The following GPC6 variants were observed in gnomAD, a reference collection of about 807,000 sequenced individuals.
GPC6 encodes the protein glypican-6.
GPC6 carries 14 observed loss-of-function variants against 55.2 expected under a neutral mutation model. The ratio of observed to expected loss-of-function variants is 0.25; its 90% CI spans 0.17 to 0.40. The LOEUF (loss-of-function observed/expected upper bound fraction) is 0.40. Among genes scored for constraint, GPC6 ranks in the 10% least tolerant of loss-of-function variants. GPC6 has a pLI of 1.00. For synonymous variants in GPC6, 278 were observed against 259.6 expected, an observed-to-expected ratio of 1.07 and a Z score of -0.68; for missense variants, 641 against 708.5, an observed-to-expected ratio of 0.90 and a Z score of 1.08.
At position 93,520,543 on chromosome 13, in the gene GPC6, A is replaced by T. The variant is rs7320669; in HGVS notation, c.161-24720A>T. Among the ~76,000 whole-genome samples the T allele has an allele frequency of 0.018, 30 of 1,660 alleles. No individual in the cohort carries two copies. In the Non-Finnish European group the frequency reaches 0.5, roughly 28 times the overall value. The allele number at this position is 1,660 out of a possible 152,430, so 1.1% of individuals were successfully genotyped here. ...AAGCCAAGTTGCTGAAATAGACTTT[A>T]AAAAAAAAAAACACTTGAAGATTTT... On this transcript the variant is annotated intron_variant, in intron 1 of 8. Transcript: ENST00000377047.
At chr13:93,561,555 C>T (rs1875808031) in intron 2 of GPC6, among the ~76,000 whole-genome samples, 2 of 151,604 alleles carry the variant, frequency 1.3e-5, no homozygotes, top group Admixed American at 6.6e-5. Context: ...GAAACAGTGC[C>T]AAATATACAA....
At chr13:94,238,026 A>G (rs1338367827) in intron 4 of GPC6, among the ~76,000 whole-genome samples, 1 of 152,152 alleles carries the variant, frequency 6.6e-6, no homozygotes, top group Admixed American at 6.6e-5. Flanking sequence ...AATTAGTAGA[A>G]CTGGAAGATG....
intron 6 of GPC6, among the ~76,000 whole-genome samples, chr13:94,326,205 G>GCGCACA (rs149742538): frequency 4.7e-5 from 7 of 147,778 alleles, no homozygotes; most frequent in African/African-American, 1.5e-4. Context: ...GTATGCTTGT[G>GCGCACA]CACACACACA....
intron 6 of GPC6, among the ~76,000 whole-genome samples, chr13:94,322,302 G>A (rs151167000): frequency 3.9e-3 from 587 of 152,302 alleles, no homozygotes; most frequent in Non-Finnish European, 6.2e-3. Flanking sequence ...GTGGAACTGT[G>A]AGTCCATTAA....
chr13:94,339,784 A>G (rs370057625), intron 6 of GPC6, among the ~76,000 whole-genome samples: 4 of 70,100 alleles, frequency 5.7e-5, no homozygotes, highest in Non-Finnish European at 7.4e-5. Flanking sequence ...TTTTTTTGAG[A>G]CAGAGTTTTG....
At chr13:94,229,791 A>G (rs1245121664) in intron 4 of GPC6, among the ~76,000 whole-genome samples, 1 of 152,250 alleles carries the variant, frequency 6.6e-6, no homozygotes, top group African/African-American at 2.4e-5. Flanking sequence ...AATAAAAAAG[A>G]TGACAGTAAC....
chr13:93,456,894 T>C (rs369703893), intron 1 of GPC6, among the ~76,000 whole-genome samples: 10 of 152,138 alleles, frequency 6.6e-5, no homozygotes, highest in African/African-American at 2.4e-4. Flanking sequence ...CCTTGAATTG[T>C]AATAATCCCC....
chr13:94,009,306 C>T (rs532201146), intron 3 of GPC6, among the ~76,000 whole-genome samples: 1 of 152,302 alleles, frequency 6.6e-6, no homozygotes, highest in Non-Finnish European at 1.5e-5. Context: ...TCACTCAATT[C>T]ATTGAACATC....
chr13:93,489,979 C>T (rs983901608), intron 1 of GPC6, among the ~76,000 whole-genome samples: 4 of 151,108 alleles, frequency 2.6e-5, no homozygotes, highest in African/African-American at 4.8e-5. Flanking sequence ...TGCCTGATGG[C>T]CCTGGCCAGA....
At chr13:94,189,807 G>A (rs1889323731) in intron 4 of GPC6, among the ~76,000 whole-genome samples, 1 of 152,040 alleles carries the variant, frequency 6.6e-6, no homozygotes, top group South Asian at 2.1e-4. Flanking sequence ...AGATCACAAG[G>A]TCAGGAGATC....
chr13:93,961,904 C>T (rs1000429486), intron 3 of GPC6, among the ~76,000 whole-genome samples: 23 of 152,018 alleles, frequency 1.5e-4, no homozygotes, highest in Admixed American at 2.6e-4. Context: ...ATCTTTGAGC[C>T]GTCCTAGCCT....
chr13:93,936,816 A>C (rs1878458759), intron 3 of GPC6, among the ~76,000 whole-genome samples: 1 of 152,226 alleles, frequency 6.6e-6, no homozygotes, highest in African/African-American at 2.4e-5. Context: ...TCAGTGATTG[A>C]ATAACATGTA....
chr13:93,864,985 G>C (rs896278062), intron 3 of GPC6, among the ~76,000 whole-genome samples: 6 of 151,612 alleles, frequency 4.0e-5, no homozygotes, highest in African/African-American at 1.5e-4. Flanking sequence ...CTCAGAAATA[G>C]GTTCATTTGT....
In GPC6 at chr13:93,427,398, C is replaced by T. The variant is rs1280193770; in HGVS notation, c.161-117865C>T. Among the ~76,000 whole-genome samples the T allele has an allele frequency of 2.0e-5, 3 of 151,618 alleles. No homozygotes were observed. The South Asian group carries it at 6.3e-4, about 32-fold the overall frequency. On this transcript the variant is annotated intron_variant, in intron 1 of 8. Transcript: ENST00000377047. ...AAACAGCATGGTACTGGTACCAAAACAGAGATATAGATCAATGGAACAGAA... is the reference window on the plus strand; with the variant it reads ...AAACAGCATGGTACTGGTACCAAAATAGAGATATAGATCAATGGAACAGAA...
At chr13:93,419,157 G>A (rs1043621190) in intron 1 of GPC6, among the ~76,000 whole-genome samples, 2 of 150,674 alleles carry the variant, frequency 1.3e-5, no homozygotes, top group Admixed American at 6.6e-5. Flanking sequence ...CATGTAGAAA[G>A]GTCTGTGAGG....
intron 2 of GPC6, among the ~76,000 whole-genome samples, chr13:93,582,169 A>G (rs1030291419): frequency 1.3e-5 from 2 of 152,238 alleles, no homozygotes; most frequent in Admixed American, 6.5e-5. Context: ...AAATAACAAT[A>G]TAAGTGAAAA....
chr13:94,194,180 A>T (rs915836483), intron 4 of GPC6, among the ~76,000 whole-genome samples: 1 of 152,228 alleles, frequency 6.6e-6, no homozygotes, highest in African/African-American at 2.4e-5. Flanking sequence ...ATACATGTAC[A>T]TATTTATTTA....
chr13:93,245,274 C>T (rs1053242139), intron 1 of GPC6, among the ~76,000 whole-genome samples: 2 of 152,182 alleles, frequency 1.3e-5, no homozygotes, highest in African/African-American at 2.4e-5. Flanking sequence ...TATACTTGAG[C>T]ACCGTTATTC....
intron 4 of GPC6, chr13:94,186,905 C>T (rs1019913124): frequency 2.6e-5 from 4 of 152,178 alleles, no homozygotes; most frequent in African/African-American, 9.7e-5. Context: ...ATGGAACTTA[C>T]GAAGGTTCGA....
Sources: allele counts gnomAD v4.1 joint callset (sites outside exome capture counted in the v4.1 genomes callset), GRCh38; gene constraint gnomAD v4.1.1; transcripts MANE v1.5; gene names NCBI Gene and HGNC (gene_info 2026-07-23, HGNC 2026-07-21).